FOXN3: variants seen among roughly 807,000 people sequenced by gnomAD.
FOXN3 encodes the protein forkhead box N3.
FOXN3 carries 7 observed loss-of-function variants against 38.4 expected under a neutral mutation model. That is an observed-to-expected ratio of 0.18 (90% CI 0.10 to 0.34). FOXN3 has a LOEUF of 0.34. Ranked by LOEUF, FOXN3 falls within the 10% of genes least tolerant of loss-of-function variation. FOXN3 has a pLI of 1.00. For missense variants in FOXN3, 456 were observed against 613.4 expected (o/e 0.74, Z 2.71); for synonymous variants, 230 against 242.2 (o/e 0.95, Z 0.47).
intron 1 of FOXN3, among the ~76,000 whole-genome samples, chr14:89,456,465 T>C (rs8005222): frequency 0.012 from 1,878 of 151,704 alleles, 31 homozygotes; most frequent in African/African-American, 0.041. Flanking sequence ...CTAAAATAAA[T>C]AAATGAGGCC....
At chr14:89,463,694 C>T (rs1298482618) in intron 1 of FOXN3, among the ~76,000 whole-genome samples, 1 of 152,046 alleles carries the variant, frequency 6.6e-6, no homozygotes, top group Non-Finnish European at 1.5e-5. Flanking sequence ...GACATCATTG[C>T]TTCAGGGCCA....
intron 1 of FOXN3, among the ~76,000 whole-genome samples, chr14:89,616,936 T>C (rs997078504): frequency 5.3e-5 from 8 of 152,212 alleles, no homozygotes; most frequent in African/African-American, 1.9e-4. Flanking sequence ...AGGCGCGATC[T>C]CAGGTTTCAA....
At chr14:89,319,761 T>A (rs1596180601) in intron 3 of FOXN3, among the ~76,000 whole-genome samples, 2 of 152,330 alleles carry the variant, frequency 1.3e-5, no homozygotes, top group East Asian at 3.9e-4. Context: ...TGGGATGTCT[T>A]ACACGCAACA....
intron 3 of FOXN3, among the ~76,000 whole-genome samples, chr14:89,317,350 C>A (rs1887750444): frequency 6.6e-6 from 1 of 152,142 alleles, no homozygotes; most frequent in Non-Finnish European, 1.5e-5. Context: ...TTTTAGAAGG[C>A]AAGAGTTCTG....
chr14:89,165,670 CA>C (rs1192064361), intron 5 of FOXN3, among the ~76,000 whole-genome samples: 2 of 152,150 alleles, frequency 1.3e-5, no homozygotes, highest in African/African-American at 4.8e-5. Context: ...GAGGTGTCAC[CA>C]AATGTGAAAC....
At chr14:89,572,240 TC>T (rs1799646163) in intron 1 of FOXN3, among the ~76,000 whole-genome samples, 1 of 152,214 alleles carries the variant, frequency 6.6e-6, no homozygotes, top group South Asian at 2.1e-4. Flanking sequence ...TTAAATCAAG[TC>T]AAAGGTTAAA....
chr14:89,590,636 T>C (rs538734865), intron 1 of FOXN3, among the ~76,000 whole-genome samples: 1 of 152,300 alleles, frequency 6.6e-6, no homozygotes, highest in South Asian at 2.1e-4. Context: ...TCTGACTTTC[T>C]CCTGCTCTCC....
At chr14:89,511,532 C>A (rs545902217) in intron 1 of FOXN3, among the ~76,000 whole-genome samples, 1 of 151,972 alleles carries the variant, frequency 6.6e-6, no homozygotes, top group East Asian at 1.9e-4. Context: ...CCAGCCACTG[C>A]ATCCAGCCGA....
intron 4 of FOXN3, among the ~76,000 whole-genome samples, chr14:89,215,907 T>C (rs1451548835): frequency 6.6e-6 from 1 of 152,296 alleles, no homozygotes; most frequent in East Asian, 1.9e-4. Flanking sequence ...AAACTCTTCA[T>C]CTCACCTTAA....
rs758917443 is a variant in FOXN3 at position 89,156,246 on chromosome 14, T to G, written c.*6168A>C. The G allele has an allele frequency of 1.8e-4, 28 of 152,766 alleles. No individual in the cohort carries two copies. Among genetic ancestry groups the G allele is most frequent in the Non-Finnish European group, 3.8e-4 (26 of 68,036 alleles). 9.5% of individuals were successfully genotyped at this position (152,766 alleles called of 1,614,324 possible). On this transcript the variant is annotated 3_prime_UTR_variant, in exon 6 of 6. Coordinates refer to ENST00000557258, the MANE Select transcript of FOXN3 (RefSeq NM_005197.4). ...AAGACAATACATCACAGAAACTTTA[T>G]GGTAGGTCTGGGGAAAAGTGTTATT...
intron 1 of FOXN3, among the ~76,000 whole-genome samples, chr14:89,476,098 A>G (rs1379725156): frequency 2.0e-5 from 3 of 152,184 alleles, no homozygotes; most frequent in Non-Finnish European, 2.9e-5. Flanking sequence ...CAGCAGGAAT[A>G]AACACTGAGG....
At chr14:89,368,007 C>T (rs10484025) in intron 2 of FOXN3, among the ~76,000 whole-genome samples, 5,250 of 152,264 alleles carry the variant, frequency 0.034, 298 homozygotes, top group African/African-American at 0.12. Flanking sequence ...TGTGTGTCTA[C>T]CTCAGAAACT....
chr14:89,370,486 C>T (rs1890286143), intron 2 of FOXN3, among the ~76,000 whole-genome samples: 1 of 152,210 alleles, frequency 6.6e-6, no homozygotes, highest in Non-Finnish European at 1.5e-5. Context: ...AGGGCTGTAC[C>T]AAAACACACA....
chr14:89,457,871 G>A (rs1321076055), intron 1 of FOXN3, among the ~76,000 whole-genome samples: 1 of 152,014 alleles, frequency 6.6e-6, no homozygotes, highest in African/African-American at 2.4e-5. Context: ...AAAATCAGCT[G>A]GGCGTGGTGG....
intron 3 of FOXN3, among the ~76,000 whole-genome samples, chr14:89,312,434 T>C (rs576502875): frequency 1.3e-5 from 2 of 151,976 alleles, no homozygotes; most frequent in East Asian, 1.9e-4. Flanking sequence ...TCTCTATCAA[T>C]TGGATTAGCA....
intron 4 of FOXN3, among the ~76,000 whole-genome samples, chr14:89,268,806 A>T (rs1886061372): frequency 6.6e-6 from 1 of 152,146 alleles, no homozygotes; most frequent in African/African-American, 2.4e-5. Flanking sequence ...AATCTATGGG[A>T]AGTGGAGGGG....
At chr14:89,419,369 G>T (rs1891844680), upstream of FOXN3, 1 of 349,402 alleles carries the variant, frequency 2.9e-6, no homozygotes, top group African/African-American at 2.1e-5. Flanking sequence ...CTGACCTAGG[G>T]TGCAGGGGCC....
intron 4 of FOXN3, among the ~76,000 whole-genome samples, chr14:89,244,903 C>T (rs1353017061): frequency 1.3e-5 from 2 of 152,194 alleles, no homozygotes; most frequent in Non-Finnish European, 2.9e-5. Context: ...TAACCAATAA[C>T]CTACCAGATG....
chr14:89,266,059 A>C (rs560513148), intron 4 of FOXN3, among the ~76,000 whole-genome samples: 60 of 152,178 alleles, frequency 3.9e-4, no homozygotes, highest in Non-Finnish European at 8.2e-4. Context: ...TAGCAGCCAA[A>C]GTTGACCCCT....
Sources: allele counts gnomAD v4.1 joint callset (sites outside exome capture counted in the v4.1 genomes callset), GRCh38; gene constraint gnomAD v4.1.1; transcripts MANE v1.5; gene names NCBI Gene and HGNC (gene_info 2026-07-23, HGNC 2026-07-21).